Variants in ATP2B4 observed in about 807,000 individuals in gnomAD.
ATP2B4 encodes the protein plasma membrane calcium-transporting ATPase 4.
ATP2B4 carries 39 observed loss-of-function variants against 110.3 expected under a neutral mutation model. That is an observed-to-expected ratio of 0.35 (90% CI 0.27 to 0.46). ATP2B4 has a LOEUF of 0.46. Ranked by LOEUF, ATP2B4 falls within the 20% of genes least tolerant of loss-of-function variation. The pLI is 1.00. For missense variants in ATP2B4, 1,135 were observed against 1,530.9 expected, an observed-to-expected ratio of 0.74 and a Z score of 4.32; for synonymous variants, 538 against 571.7, an observed-to-expected ratio of 0.94 and a Z score of 0.84.
At chr1:203,633,872 G>A (rs1663354025) in intron 1 of ATP2B4, among the ~76,000 whole-genome samples, 1 of 152,000 alleles carries the variant, frequency 6.6e-6, no homozygotes, top group African/African-American at 2.4e-5. Flanking sequence ...CCAATATGGA[G>A]AAACCCCGTC....
chr1:203,733,265 GGAGTCCTAAGGC>G, intron 20 of ATP2B4: 1 of 1,613,766 alleles, frequency 6.2e-7, no homozygotes, highest in Non-Finnish European at 8.5e-7. Flanking sequence ...CTCTTTTAAG[GGAGTCCTAAGGC>G]GACAGAACAT....
At chr1:203,656,066 A>AT (rs56042023) in intron 1 of ATP2B4, among the ~76,000 whole-genome samples, 30,853 of 146,872 alleles carry the variant, frequency 0.21, 3,415 homozygotes, top group African/African-American at 0.28. Flanking sequence ...ACGCCCAGCT[A>AT]TTTTTTTTTT....
chr1:203,697,287 T>C (rs1374228723), intron 2 of ATP2B4, among the ~76,000 whole-genome samples: 1 of 146,994 alleles, frequency 6.8e-6, no homozygotes, highest in Non-Finnish European at 1.6e-5. Context: ...TTAGGACACA[T>C]GTGTGGGCTC....
At chr1:203,639,452 C>T (rs561718215) in intron 1 of ATP2B4, among the ~76,000 whole-genome samples, 1 of 152,316 alleles carries the variant, frequency 6.6e-6, no homozygotes, top group African/African-American at 2.4e-5. Flanking sequence ...GGACTCACAG[C>T]AAGCCCCGCT....
chr1:203,736,401 G>A (rs887405452), intron 20 of ATP2B4, among the ~76,000 whole-genome samples: 1 of 152,076 alleles, frequency 6.6e-6, no homozygotes, highest in Non-Finnish European at 1.5e-5. Flanking sequence ...TCGGGAGGCG[G>A]AGGTTGCAGT....
chr1:203,657,194 G>A, intron 1 of ATP2B4: 1 of 769,546 alleles, frequency 1.3e-6, no homozygotes, highest in Non-Finnish European at 2.3e-6. Flanking sequence ...TTCAGTTCAA[G>A]ATGTAATACA....
At chr1:203,700,153 A>G (rs1665648797) in intron 4 of ATP2B4, 53 bp from the exon 5 acceptor site, 2 of 1,577,536 alleles carry the variant, frequency 1.3e-6, no homozygotes, top group Non-Finnish European at 8.6e-7. Flanking sequence ...CCCTACCCTC[A>G]GCCAGTCTCT....
chr1:203,727,829 C>G, intron 20 of ATP2B4: 1 of 456,640 alleles, frequency 2.2e-6, no homozygotes, highest in East Asian at 4.2e-5. Context: ...GACCCTAAAG[C>G]CCAGCCTGCC....
chr1:203,668,847 G>A (rs1385201692), intron 1 of ATP2B4, among the ~76,000 whole-genome samples: 1 of 152,248 alleles, frequency 6.6e-6, no homozygotes, highest in East Asian at 1.9e-4. Context: ...TGGGAAAAGA[G>A]AATGAGAGAG....
chr1:203,722,783 G>T (rs1039980306), intron 18 of ATP2B4, 94 bp downstream of exon 18: 5 of 1,209,232 alleles, frequency 4.1e-6, no homozygotes, highest in Non-Finnish European at 4.7e-6. Flanking sequence ...GAAAAGGAAT[G>T]AAGGAATTAC....
At chr1:203,705,108 G>C (rs563128907) in intron 8 of ATP2B4, among the ~76,000 whole-genome samples, 149 of 152,304 alleles carry the variant, frequency 9.8e-4, no homozygotes, top group Non-Finnish European at 2.0e-3. Context: ...AGTTGCTGGG[G>C]TAAATTTTAG....
At chr1:203,725,906 T>TTC (rs1337533057) in intron 19 of ATP2B4, among the ~76,000 whole-genome samples, 1 of 130,474 alleles carries the variant, frequency 7.7e-6, no homozygotes, top group Non-Finnish European at 1.7e-5. Context: ...TTTCTTTTCT[T>TTC]TTTTTTTTTT....
In ATP2B4 at chr1:203,641,208, G is replaced by T. The variant is rs138380590; in HGVS notation, c.-465+13989G>T. On this transcript the variant is annotated intron_variant, in intron 1 of 20. Transcript: ENST00000357681. ...CCATTGTGGGTGAACCAGGCAGTAG[G>T]TTCCATCTGTCAGTCCATGTGGCCT... Among the ~76,000 whole-genome samples the T allele has an allele frequency of 5.6e-3, 853 of 152,292 alleles. 5 individuals carry two copies. The highest frequency in any genetic ancestry group is 0.017 in the African/African-American group (720 of 41,568).
chr1:203,709,297 C>T lies in ATP2B4; in HGVS notation c.1558-4C>T, dbSNP rs779260123. The stretch of plus-strand genomic sequence containing the variant: ...AATAGTGCTGTGTATATTTCTTCTC[C>T]CAGCCTCCAGAGAAGGAGGGAGGCC... On this transcript the variant is annotated splice_polypyrimidine_tract_variant and splice_region_variant and intron_variant, in intron 10 of 20. Transcript: ENST00000357681. 6.2e-6 allele frequency: 10 copies of T among 1,614,150 alleles called. No individual in the cohort carries two copies. Among genetic ancestry groups the T allele is most frequent in the Non-Finnish European group, 8.5e-6 (10 of 1,180,022 alleles).
At chr1:203,662,126 C>T (rs879360069) in intron 1 of ATP2B4, among the ~76,000 whole-genome samples, 1 of 152,012 alleles carries the variant, frequency 6.6e-6, no homozygotes, top group African/African-American at 2.4e-5. Flanking sequence ...GGGTTTCACA[C>T]CATTCTCCTG....
intron 2 of ATP2B4, among the ~76,000 whole-genome samples, chr1:203,691,626 A>T (rs1665376197): frequency 6.6e-6 from 1 of 152,224 alleles, no homozygotes; most frequent in South Asian, 2.1e-4. Flanking sequence ...CTCCAAGTTC[A>T]TCATCCTCTG....
At chr1:203,664,122 A>G (rs1013716997) in intron 1 of ATP2B4, among the ~76,000 whole-genome samples, 4 of 152,258 alleles carry the variant, frequency 2.6e-5, no homozygotes, top group African/African-American at 9.6e-5. Flanking sequence ...GTGAAGCATT[A>G]TCCACATGTG....
In ATP2B4 at chr1:203,629,161, C is replaced by T. The variant is rs887892254; in HGVS notation, c.-465+1942C>T. Among the ~76,000 whole-genome samples, 1 of 152,198 alleles carries T rather than the reference C, an allele frequency of 6.6e-6. No homozygotes were observed. The highest frequency in any genetic ancestry group is 1.5e-5 in the Non-Finnish European group (1 of 68,030). ...TTTGAGGTGTTGATTGATCTGACTG[C>T]ACCCCTCGGCTAGACAGCTCTTCCC... On this transcript the variant is annotated intron_variant, in intron 1 of 20. Coordinates refer to ENST00000357681, the MANE Select transcript of ATP2B4 (RefSeq NM_001684.5). The surrounding 1 kb of genome is among the most constrained non-coding windows in gnomAD (Gnocchi z 4.6).
rs1666966215 is a variant in ATP2B4 at position 203,740,001 on chromosome 1, A to G, written c.*147A>G. 2 of 882,710 alleles carry G rather than the reference A, an allele frequency of 2.3e-6. No individual in the cohort carries two copies. The highest frequency in any genetic ancestry group is 3.4e-5 in the African/African-American group (2 of 58,734). 54.7% of individuals were successfully genotyped at this position (882,710 alleles called of 1,614,324 possible). A position where few individuals can be genotyped will look rare whatever the true frequency, so the allele number is the denominator to read the frequency against. On this transcript the variant is annotated 3_prime_UTR_variant, in exon 21 of 21. Transcript: ENST00000357681. ...GAAGTGAACCTCTACCTGACCATGA[A>G]GAGGCAAGAGCACAGACTTACAAGG...
Sources: gnomAD v4.1 joint callset for allele counts (sites outside exome capture counted in the v4.1 genomes callset) on GRCh38, gnomAD v4.1.1 for gene constraint, Gnocchi (gnomAD v3.1) non-coding constraint, MANE v1.5 for transcripts, NCBI Gene and HGNC (gene_info 2026-07-23, HGNC 2026-07-21) for gene names.